TTBK1: variants seen among roughly 807,000 people sequenced by gnomAD.
TTBK1 encodes tau-tubulin kinase 1.
TTBK1 carries 34 observed loss-of-function variants against 108.5 expected under a neutral mutation model. The ratio of observed to expected loss-of-function variants is 0.31; its 90% CI spans 0.24 to 0.42. TTBK1 has a LOEUF of 0.42. Ranked by LOEUF, TTBK1 falls within the 10% of genes least tolerant of loss-of-function variation. The pLI is 1.00. For synonymous variants in TTBK1, 809 were observed against 795.1 expected (o/e 1.02, Z -0.29); for missense variants, 1,539 against 1,826.0 (o/e 0.84, Z 2.86).
At chr6:43,248,161 G>C (rs1157495984) in intron 2 of TTBK1, 1 of 152,230 alleles carries the variant, frequency 6.6e-6, no homozygotes, top group Admixed American at 6.5e-5. Flanking sequence ...ACTTTTTTGT[G>C]ATTTCTGAGG....
chr6:43,285,553 CT>C lies in TTBK1; in HGVS notation c.*179del, dbSNP rs1435963291. 1.2e-6 allele frequency: 1 copy of C among 819,152 alleles called. No individual in the cohort carries two copies. Among genetic ancestry groups the C allele is most frequent in the Non-Finnish European group, 1.6e-6 (1 of 619,956 alleles). 50.7% of individuals were successfully genotyped at this position (819,152 alleles called of 1,614,324 possible). A position where few individuals can be genotyped will look rare whatever the true frequency, so the allele number is the denominator to read the frequency against. On this transcript the variant is annotated 3_prime_UTR_variant, in exon 15 of 15. Coordinates refer to ENST00000259750, the MANE Select transcript of TTBK1 (RefSeq NM_032538.3). This position sits in a 1 kb window ranked among gnomAD's most constrained non-coding sequence, Gnocchi z 4.7. ...GAGCACACGCGGCGCCCCGCCAGGC[CT>C]TAGGGCCCGTGGGGGACGCGGCCCC...
chr6:43,251,395 C>CT (rs1179664236), intron 2 of TTBK1, among the ~76,000 whole-genome samples: 1 of 152,238 alleles, frequency 6.6e-6, no homozygotes, highest in Non-Finnish European at 1.5e-5. Flanking sequence ...AGTGAGGCAG[C>CT]TCCCCGAGGG....
chr6:43,246,591 C>A lies in TTBK1; in HGVS notation c.-54-16C>A. 7.7e-7 allele frequency: 1 copy of A among 1,291,818 alleles called. No individual in the cohort carries two copies. Among genetic ancestry groups the A allele is most frequent in the Non-Finnish European group, 1.1e-6 (1 of 933,042 alleles). The allele number at this position is 1,291,818 out of a possible 1,614,324, so 80.0% of individuals were successfully genotyped here. A position where few individuals can be genotyped will look rare whatever the true frequency, so the allele number is the denominator to read the frequency against. ...GGTCCGCAGCCCGCCCTCACAGGCC[C>A]TCCTCACTCCCCTAGGTAGATGGCC... On this transcript the variant is annotated splice_polypyrimidine_tract_variant and intron_variant, in intron 1 of 14. Coordinates refer to ENST00000259750, the MANE Select transcript of TTBK1 (RefSeq NM_032538.3).
chr6:43,271,233 ACTGTGT>A (rs1490946488), intron 13 of TTBK1: 1 of 985,316 alleles, frequency 1.0e-6, no homozygotes, highest in African/African-American at 1.7e-5. Flanking sequence ...TTTCAGTGAG[ACTGTGT>A]CTGTATGTTT....
chr6:43,263,336 G>A lies in TTBK1; in HGVS notation c.1972G>A (p.Gly658Ser), dbSNP rs1777597222. 1 of 1,461,748 alleles carries A rather than the reference G, an allele frequency of 6.8e-7. No individual in the cohort carries two copies. Among genetic ancestry groups the A allele is most frequent in the South Asian group, 1.4e-5 (1 of 70,576 alleles). The allele number at this position is 1,461,748 out of a possible 1,614,324, so 90.5% of individuals were successfully genotyped here. A position where few individuals can be genotyped will look rare whatever the true frequency, so the allele number is the denominator to read the frequency against. Reference protein sequence around the residue: ...RPRRRESDPTGPQRQVFSVAP... With the variant: ...RPRRRESDPTSPQRQVFSVAP... ...TCGACGGAGAGAGTCGGACCCCACA[G>A]GCCCACAGAGACAGGTAAGGTTGGG... The change falls in exon 13 of 15, where the codon GGC becomes AGC. Residue 658 changes from glycine to serine, a missense_variant. Gly to Ser is a moderately conservative substitution (Grantham distance 56). This residue lies in a region of TTBK1 where 1,055 missense variants were observed against 1,086.5 expected (regional missense o/e 0.97). Coordinates refer to ENST00000259750, the MANE Select transcript of TTBK1 (RefSeq NM_032538.3). This position sits in a 1 kb window ranked among gnomAD's most constrained non-coding sequence, Gnocchi z 4.7.
chr6:43,277,518 G>GC (rs1562097036), intron 13 of TTBK1, among the ~76,000 whole-genome samples: 1 of 152,190 alleles, frequency 6.6e-6, no homozygotes, highest in Non-Finnish European at 1.5e-5. Flanking sequence ...TTTAGAAGAC[G>GC]CCCCCCACAG....
rs1025517004 is a variant in TTBK1 at position 43,276,533 on chromosome 6, G to T, written c.1987-6194G>T. Among the ~76,000 whole-genome samples the T allele has an allele frequency of 3.3e-5, 5 of 152,258 alleles. No individual in the cohort carries two copies. The South Asian group carries it at 6.2e-4, about 19-fold the overall frequency. ...CGCGCACACGGCCGCGCACGGGCGGGGAGGGGGCGCCCCGCCGTCACGCGT... is the reference window on the plus strand; with the variant it reads ...CGCGCACACGGCCGCGCACGGGCGGTGAGGGGGCGCCCCGCCGTCACGCGT... On this transcript the variant is annotated intron_variant, in intron 13 of 14. Transcript: ENST00000259750. This position sits in a 1 kb window ranked among gnomAD's most constrained non-coding sequence, Gnocchi z 5.4.
chr6:43,245,145 G>A (rs1480756897), intron 1 of TTBK1, among the ~76,000 whole-genome samples: 1 of 152,142 alleles, frequency 6.6e-6, no homozygotes, highest in African/African-American at 2.4e-5. Flanking sequence ...CCTATGGCAG[G>A]ATGTCTAGAT....
chr6:43,250,326 A>T (rs1777202146), intron 2 of TTBK1, among the ~76,000 whole-genome samples: 1 of 148,744 alleles, frequency 6.7e-6, no homozygotes, highest in Admixed American at 6.7e-5. Context: ...GCCTGGGTTT[A>T]AATGAAAACT....
chr6:43,276,480 A>C lies in TTBK1; in HGVS notation c.1987-6247A>C, dbSNP rs1778003133. Among the ~76,000 whole-genome samples the C allele has an allele frequency of 6.6e-6, 1 of 152,076 alleles. No individual in the cohort carries two copies. Among genetic ancestry groups the C allele is most frequent in the Non-Finnish European group, 1.5e-5 (1 of 67,994 alleles). On this transcript the variant is annotated intron_variant, in intron 13 of 14. Transcript: ENST00000259750. The surrounding 1 kb of genome is among the most constrained non-coding windows in gnomAD (Gnocchi z 5.4). ...CGACACGCACACGCGCGGCGCCGCC[A>C]CGGGGGTGGGACACGGACACGCACC...
chr6:43,267,432 C>A (rs1224731570), intron 13 of TTBK1, among the ~76,000 whole-genome samples: 3 of 152,236 alleles, frequency 2.0e-5, no homozygotes, highest in Non-Finnish European at 2.9e-5. Context: ...TTTCCCACCA[C>A]CTTTTTGGAG....
In TTBK1 at chr6:43,283,827, G is replaced by A. The variant is rs777846920; in HGVS notation, c.3087G>A (p.Pro1029=). 53 of 1,611,324 alleles carry A rather than the reference G, an allele frequency of 3.3e-5. No homozygotes were observed. In the Middle Eastern group the frequency reaches 5.0e-4, roughly 15 times the overall value. ...CAGACGGGCCAGCCCCGGTGTCCCC[G>A]CTGGAGCCAAGCCCTGAGAAAGTGG... ...ALADGPAPVS[P]LEPSPEKVAT... is the part of the protein sequence containing the mutation. The change falls in exon 14 of 15, where the codon CCG becomes CCA. Residue 1029 remains proline, a synonymous_variant. Coordinates refer to ENST00000259750, the MANE Select transcript of TTBK1 (RefSeq NM_032538.3). The surrounding 1 kb of genome is among the most constrained non-coding windows in gnomAD (Gnocchi z 8.1).
chr6:43,256,282 C>A (rs528486303), intron 9 of TTBK1, among the ~76,000 whole-genome samples: 1 of 152,158 alleles, frequency 6.6e-6, no homozygotes, highest in South Asian at 2.1e-4. Context: ...ACTACAGGCA[C>A]GTGCCACCAT....
Position 43,270,705 on chromosome 6 carries a change from A to G in TTBK1, c.1986+7355A>G, listed in dbSNP as rs78358425. ...ATTGGGTGTCTGTCCTCGGCTCCTCAGGAACTGAGGATGGATGAGAGGGGC... is the reference window on the plus strand; with the variant it reads ...ATTGGGTGTCTGTCCTCGGCTCCTCGGGAACTGAGGATGGATGAGAGGGGC... On this transcript the variant is annotated intron_variant, in intron 13 of 14. Coordinates refer to ENST00000259750, the MANE Select transcript of TTBK1 (RefSeq NM_032538.3). 1.7e-3 allele frequency: 1,670 copies of G among 985,316 alleles called. 18 individuals carry two copies. In the African/African-American group the frequency reaches 0.028, roughly 16 times the overall value. 61.0% of individuals were successfully genotyped at this position (985,316 alleles called of 1,614,324 possible).
In TTBK1 at chr6:43,265,819, T is replaced by TC. The variant is rs923529093; in HGVS notation, c.1986+2472dup. ...TCTGGACCTGGCTCTGCCGTTCCCT[T>TC]CCCAGTGACTGAGGGCCAGTCAGTG... is the stretch of plus-strand genomic sequence containing the variant. On this transcript the variant is annotated intron_variant, in intron 13 of 14. Coordinates refer to ENST00000259750, the MANE Select transcript of TTBK1 (RefSeq NM_032538.3). This position sits in a 1 kb window ranked among gnomAD's most constrained non-coding sequence, Gnocchi z 4.1. 2.0e-5 allele frequency among the ~76,000 whole-genome samples: 3 copies of TC among 152,104 alleles called. No individual in the cohort carries two copies. Among genetic ancestry groups the TC allele is most frequent in the African/African-American group, 7.2e-5 (3 of 41,420 alleles).
chr6:43,247,112 CG>C (rs1412678441), intron 2 of TTBK1, among the ~76,000 whole-genome samples: 5 of 151,826 alleles, frequency 3.3e-5, no homozygotes, highest in Admixed American at 3.3e-4. Flanking sequence ...TTTTCTCTGA[CG>C]GACCTTGGAG....
rs768883194 is a variant in TTBK1 at position 43,263,087 on chromosome 6, C to T, written c.1723C>T (p.Arg575Trp). 11 of 1,571,404 alleles carry T rather than the reference C, an allele frequency of 7.0e-6. No individual in the cohort carries two copies. The highest frequency in any genetic ancestry group is 4.0e-5 in the African/African-American group (3 of 74,234). ...GTTDEEPEEL[R>W]PLPEEGEERR... ...CACGGATGAGGAGCCCGAGGAGCTGCGGCCACTGCCCGAGGAGGGCGAAGA... is the reference window on the plus strand; with the variant it reads ...CACGGATGAGGAGCCCGAGGAGCTGTGGCCACTGCCCGAGGAGGGCGAAGA... The change falls in exon 13 of 15, where the codon CGG (arginine) becomes TGG (tryptophan). Residue 575 changes from arginine (R) to tryptophan (W), a missense_variant. Around this residue, in one of 5 missense-constraint regions of TTBK1, gnomAD observed 1,055 missense variants for 1,086.5 expected, o/e 0.97. Coordinates refer to ENST00000259750, the MANE Select transcript of TTBK1 (RefSeq NM_032538.3). This position sits in a 1 kb window ranked among gnomAD's most constrained non-coding sequence, Gnocchi z 4.7.
intron 13 of TTBK1, chr6:43,270,240 TG>T: frequency 5.7e-6 from 7 of 1,229,436 alleles, no homozygotes; most frequent in Middle Eastern, 3.1e-4. Context: ...GGCGCTCAGC[TG>T]GAGCCACTGA....
chr6:43,252,664 GC>G, intron 2 of TTBK1, 74 bp from the exon 3 acceptor site: 1 of 1,534,048 alleles, frequency 6.5e-7, no homozygotes, highest in South Asian at 1.2e-5. Context: ...AATGAAGGAT[GC>G]AACCAAGCAG....
Sources: allele counts gnomAD v4.1 joint callset (sites outside exome capture counted in the v4.1 genomes callset), GRCh38; gene constraint gnomAD v4.1.1; regional missense constraint gnomAD v4.1.1; non-coding constraint Gnocchi (gnomAD v3.1); transcripts MANE v1.5; gene names NCBI Gene and HGNC (gene_info 2026-07-23, HGNC 2026-07-21).